NLRP11: variants seen among roughly 807,000 people sequenced by gnomAD.
NLRP11 encodes NLR family pyrin domain containing 11, also known as NACHT, LRR and PYD domains-containing protein 11.
In NLRP11, 53 loss-of-function variants were observed where a neutral mutation model predicts 79.3. That is an observed-to-expected ratio of 0.67 (90% CI 0.54 to 0.84). The LOEUF is 0.84. Among genes scored for constraint, NLRP11 ranks in the 40% least tolerant of loss-of-function variants. The probability of loss-of-function intolerance (pLI) is 0.00; values close to 1 mark genes in which losing one functional copy is unlikely to be tolerated. For synonymous variants in NLRP11, 518 were observed against 462.6 expected (o/e 1.12, Z -1.54); for missense variants, 1,264 against 1,255.0 (o/e 1.01, Z -0.11).
chr19:55,785,706 A>G (rs1989835209), exon 10 of NLRP11: 1 of 1,614,026 alleles, frequency 6.2e-7, no homozygotes, highest in East Asian at 2.2e-5. Flanking sequence ...TGTAATCCAA[A>G]TTAGAATTAG....
chr19:55,799,578 G>C (rs899098172), intron 5 of NLRP11, among the ~76,000 whole-genome samples: 1 of 152,136 alleles, frequency 6.6e-6, no homozygotes, highest in African/African-American at 2.4e-5. Flanking sequence ...ATTGAGGTAG[G>C]GGAGAGGCTA....
upstream of NLRP11, among the ~76,000 whole-genome samples, chr19:55,834,918 C>A (rs773659126): frequency 9.9e-5 from 15 of 152,008 alleles, no homozygotes; most frequent in Non-Finnish European, 2.2e-4. Context: ...GAACATGTAT[C>A]ACCAGGAAAA....
At chr19:55,833,460 T>G (rs140925418), upstream of NLRP11, among the ~76,000 whole-genome samples, 34 of 152,144 alleles carry the variant, frequency 2.2e-4, no homozygotes, top group African/African-American at 7.9e-4. Flanking sequence ...ATTTAAAAAC[T>G]ATGGTAATTA....
At chr19:55,821,734 T>C (rs946274915) in intron 1 of NLRP11, among the ~76,000 whole-genome samples, 7 of 145,646 alleles carry the variant, frequency 4.8e-5, no homozygotes, top group African/African-American at 1.6e-4. Context: ...CCATTAACAT[T>C]GTTAGTGATG....
chr19:55,796,297 A>C (rs1286487957), intron 5 of NLRP11, 47 bp from the exon 6 acceptor site: 14 of 1,418,836 alleles, frequency 9.9e-6, no homozygotes, highest in South Asian at 1.3e-5. Context: ...CGTTTAAGCT[A>C]TCCCCTCTTT....
chr19:55,802,965 G>A (rs1174305247), intron 4 of NLRP11, among the ~76,000 whole-genome samples: 1 of 152,194 alleles, frequency 6.6e-6, no homozygotes, highest in East Asian at 1.9e-4. Flanking sequence ...CTAGTCATAT[G>A]CAGAAGACTG....
At chr19:55,807,994 T>G in exon 4 of NLRP11, 1 of 1,606,144 alleles carries the variant, frequency 6.2e-7, no homozygotes, top group Non-Finnish European at 8.5e-7. Flanking sequence ...CTCTCTCCAG[T>G]AGACAAGGCT....
At chr19:55,787,622 C>A (rs1260240529) in intron 9 of NLRP11, among the ~76,000 whole-genome samples, 2 of 152,226 alleles carry the variant, frequency 1.3e-5, no homozygotes, top group African/African-American at 4.8e-5. Flanking sequence ...CAGGCATGAA[C>A]CACAGCACCT....
intron 1 of NLRP11, among the ~76,000 whole-genome samples, chr19:55,829,655 T>C (rs1343952551): frequency 1.3e-5 from 1 of 78,624 alleles, no homozygotes; most frequent in Non-Finnish European, 2.3e-5. Flanking sequence ...CGAGACTCCG[T>C]CTCAAAAAAA....
chr19:55,814,738 C>T (rs148817659), intron 2 of NLRP11, among the ~76,000 whole-genome samples: 9 of 152,246 alleles, frequency 5.9e-5, no homozygotes, highest in East Asian at 1.9e-4. Context: ...TAGTGTGCAC[C>T]GCTCTCATGG....
intron 1 of NLRP11, among the ~76,000 whole-genome samples, chr19:55,818,868 G>A (rs895414954): frequency 2.0e-5 from 3 of 151,998 alleles, no homozygotes; most frequent in African/African-American, 7.3e-5. Flanking sequence ...TTCACTCTAG[G>A]CTGAAATCTG....
At chr19:55,785,767 T>C in exon 10 of NLRP11, 1 of 1,614,148 alleles carries the variant, frequency 6.2e-7, no homozygotes, top group Non-Finnish European at 8.5e-7. Context: ...TTCTCTGCCT[T>C]CCTTTAAAGA....
chr19:55,798,529 T>C (rs1340014227), intron 5 of NLRP11, among the ~76,000 whole-genome samples: 1 of 151,906 alleles, frequency 6.6e-6, no homozygotes. Context: ...ATTCAGAGGA[T>C]AGGATCAGAA....
rs1331696547 is a variant in NLRP11, at chr19:55,808,016, T to C, written c.1842-2A>G. The stretch of plus-strand genomic sequence containing the variant: ...CAGTAGACAAGGCTCTTCATTTGAC[T>C]ACATAGAAGAAAAATTGAGTTTTCC... On this transcript the variant is annotated splice_acceptor_variant, in intron 3 of 9. Transcript: ENST00000589093. LOFTEE classifies it high-confidence loss of function. The C allele has an allele frequency of 1.3e-6, 2 of 1,571,772 alleles. No homozygotes were observed. The highest frequency in any genetic ancestry group is 1.4e-5 in the African/African-American group (1 of 72,748).
intron 8 of NLRP11, 114 bp from the exon 9 acceptor site, chr19:55,789,091 T>G: frequency 1.4e-6 from 2 of 1,406,270 alleles, no homozygotes; most frequent in Non-Finnish European, 2.0e-6. Context: ...GCAAAAGAAC[T>G]GACTGTGCAA....
At chr19:55,811,264 AAC>A (rs956316372) in intron 2 of NLRP11, among the ~76,000 whole-genome samples, 1 of 152,252 alleles carries the variant, frequency 6.6e-6, no homozygotes, top group African/African-American at 2.4e-5. Context: ...TGCAAAAACA[AAC>A]AAAAATGTTA....
At chr19:55,822,482 C>T (rs867213047) in intron 1 of NLRP11, among the ~76,000 whole-genome samples, 23 of 152,208 alleles carry the variant, frequency 1.5e-4, no homozygotes, top group African/African-American at 4.3e-4. Context: ...GGGTGATTTC[C>T]GCATTTCCAT....
intron 1 of NLRP11, among the ~76,000 whole-genome samples, chr19:55,831,754 C>CA (rs11364661): frequency 0.022 from 3,094 of 140,782 alleles, 47 homozygotes; most frequent in Non-Finnish European, 0.035. Flanking sequence ...ATAAGTTTAT[C>CA]AAAAAAAAAA....
At chr19:55,817,165 T>TA (rs138129785) in intron 2 of NLRP11, among the ~76,000 whole-genome samples, 19,364 of 151,578 alleles carry the variant, frequency 0.13, 2,188 homozygotes, top group African/African-American at 0.3. Context: ...ATGGCCATGA[T>TA]AAAAAAAAAT....
Sources: gnomAD v4.1 joint callset for allele counts (sites outside exome capture counted in the v4.1 genomes callset) on GRCh38, gnomAD v4.1.1 for gene constraint, MANE v1.5 for transcripts, NCBI Gene and HGNC (gene_info 2026-07-23, HGNC 2026-07-21) for gene names.